Variants in OR56B1 observed in about 807,000 individuals in gnomAD.
OR56B1 encodes the protein olfactory receptor 56B1.
A neutral mutation model predicts 11.4 loss-of-function variants in OR56B1; 13 were observed. The ratio of observed to expected loss-of-function variants is 1.14; its 90% CI spans 0.74 to 1.81. The LOEUF is 1.81. Ranked by LOEUF, OR56B1 falls within the 40% of genes most tolerant of loss-of-function variation. The pLI is 0.00. For missense variants in OR56B1, 434 were observed against 379.3 expected (o/e 1.14, Z -1.20); for synonymous variants, 158 against 143.6 (o/e 1.10, Z -0.72).
At position 5,737,216 on chromosome 11, in the gene OR56B1, G is replaced by C; in HGVS notation, c.700G>C (p.Val234Leu). 1.2e-6 allele frequency: 2 copies of C among 1,614,064 alleles called. No homozygotes were observed. Among genetic ancestry groups the C allele is most frequent in the Non-Finnish European group, 1.7e-6 (2 of 1,179,970 alleles). Residue 234 changes from valine (V) to leucine (L), a missense_variant, in exon 1 of 1, where the codon GTA becomes CTA. Transcript: ENST00000317121. The part of the protein sequence containing the change: ...ILSYILILYS[V>L]LRLNSAEAAA... ...GTCATATATTTTGATTCTGTACTCT[G>C]TACTTAGACTGAACTCAGCTGAAGC...
rs1234896603 is a variant in OR56B1, at chr11:5,736,608, G to A, written c.92G>A (p.Ser31Asn). The A allele has an allele frequency of 6.2e-7, 1 of 1,614,004 alleles. No individual in the cohort carries two copies. The highest frequency in any genetic ancestry group is 1.7e-5 in the Admixed American group (1 of 59,964). Residue 31 changes from serine to asparagine, a missense_variant, in exon 1 of 1, where the codon AGC (serine) becomes AAC (asparagine). Transcript: ENST00000317121. ...FILLGFPGIH[S>N]WQHWLSLPLA... ...CTGCTGGGATTCCCGGGCATTCACA[G>A]CTGGCAACACTGGCTATCTCTGCCC... is the stretch of plus-strand genomic sequence containing the variant.
chr11:5,736,786 C>A lies in OR56B1; in HGVS notation c.270C>A (p.Ile90=). ...TGGCCACTACTATCATCCCTAAGATCCTGGCCATCTTCTGGTTTGATGCCA... is the reference window on the plus strand; with the variant it reads ...TGGCCACTACTATCATCCCTAAGATACTGGCCATCTTCTGGTTTGATGCCA... ...MGLATTIIPK[I]LAIFWFDAKV... The change falls in exon 1 of 1, where the codon ATC becomes ATA. Residue 90 remains isoleucine (I), a synonymous_variant. Coordinates refer to ENST00000317121, the MANE Select transcript of OR56B1 (RefSeq NM_001005180.3). 2 of 1,614,064 alleles carry A rather than the reference C, an allele frequency of 1.2e-6. No individual in the cohort carries two copies. The highest frequency in any genetic ancestry group is 1.7e-6 in the Non-Finnish European group (2 of 1,179,994).
chr11:5,737,550 C>T lies in OR56B1; in HGVS notation c.*59C>T, dbSNP rs1853943940. On this transcript the variant is annotated 3_prime_UTR_variant, in exon 1 of 1. Coordinates refer to ENST00000317121, the MANE Select transcript of OR56B1 (RefSeq NM_001005180.3). Reference sequence around the variant, plus strand: ...TCTCCTAAACTGGATAGTAAAATTTCAAAGAGGATAAATGAGTAAGTGAAT... The same window carrying T: ...TCTCCTAAACTGGATAGTAAAATTTTAAAGAGGATAAATGAGTAAGTGAAT... 2 of 1,485,614 alleles carry T rather than the reference C, an allele frequency of 1.3e-6. No homozygotes were observed. Among genetic ancestry groups the T allele is most frequent in the Non-Finnish European group, 1.8e-6 (2 of 1,105,292 alleles). 92.0% of individuals were successfully genotyped at this position (1,485,614 alleles called of 1,614,324 possible).
In OR56B1 at chr11:5,736,516, C is replaced by A. The variant is rs147042944; in HGVS notation, c.-1C>A. On this transcript the variant is annotated 5_prime_UTR_variant, in exon 1 of 1. Transcript: ENST00000317121. ...TAGAGATTTGAAATTCATGTTGAAT[C>A]ATGAATCATATGTCTGCATCTCTCA... 214 of 1,612,784 alleles carry A rather than the reference C, an allele frequency of 1.3e-4. 1 individual carries two copies. In the African/African-American group the frequency reaches 2.3e-3, roughly 18 times the overall value.
rs1853946302 is a variant in OR56B1 at position 5,737,666 on chromosome 11, C to T, written c.*175C>T. 1.1e-5 allele frequency: 6 copies of T among 532,586 alleles called. No homozygotes were observed. The highest frequency in any genetic ancestry group is 1.9e-5 in the Non-Finnish European group (6 of 321,066). The allele number at this position is 532,586 out of a possible 1,614,324, so 33.0% of individuals were successfully genotyped here. A position where few individuals can be genotyped will look rare whatever the true frequency, so the allele number is the denominator to read the frequency against. On this transcript the variant is annotated 3_prime_UTR_variant, in exon 1 of 1. Coordinates refer to ENST00000317121, the MANE Select transcript of OR56B1 (RefSeq NM_001005180.3). ...AAATCACAGTAGCCTAAAATATTGA[C>T]AAAAGCTAAATATTTAAATATATTT...
Position 5,737,218 on chromosome 11 carries a change from A to G in OR56B1, c.702A>G (p.Val234=), listed in dbSNP as rs1590335123. 1.2e-6 allele frequency: 2 copies of G among 1,614,114 alleles called. No homozygotes were observed. Among genetic ancestry groups the G allele is most frequent in the East Asian group, 4.5e-5 (2 of 44,868 alleles). The change falls in exon 1 of 1, where the codon GTA becomes GTG. Residue 234 remains valine, a synonymous_variant. Transcript: ENST00000317121. ...ILSYILILYS[V]LRLNSAEAAA... ...CATATATTTTGATTCTGTACTCTGT[A>G]CTTAGACTGAACTCAGCTGAAGCTG... is the stretch of plus-strand genomic sequence containing the variant.
At position 5,738,267 on chromosome 11, in the gene OR56B1, TCTA is replaced by T. The variant is rs1853959238; in HGVS notation, c.*779_*781del. On this transcript the variant is annotated 3_prime_UTR_variant, in exon 1 of 1. Transcript: ENST00000317121. ...AGACAGCATTTGGGCTATTTATTAT[TCTA>T]CTCCCAGCCTGCTTTGACATGAGGG... 6.6e-6 allele frequency: 1 copy of T among 152,256 alleles called. No homozygotes were observed. The highest frequency in any genetic ancestry group is 1.5e-5 in the Non-Finnish European group (1 of 68,086). 9.4% of individuals were successfully genotyped at this position (152,256 alleles called of 1,614,324 possible). A position where few individuals can be genotyped will look rare whatever the true frequency, so the allele number is the denominator to read the frequency against.
rs1853944320 is a variant in OR56B1, at chr11:5,737,564, G to A, written c.*73G>A. ...TAGTAAAATTTCAAAGAGGATAAAT[G>A]AGTAAGTGAATACCTTTGGGATTCC... On this transcript the variant is annotated 3_prime_UTR_variant, in exon 1 of 1. Transcript: ENST00000317121. 1 of 1,371,024 alleles carries A rather than the reference G, an allele frequency of 7.3e-7. No individual in the cohort carries two copies. Among genetic ancestry groups the A allele is most frequent in the African/African-American group, 1.4e-5 (1 of 69,028 alleles). The allele number at this position is 1,371,024 out of a possible 1,614,324, so 84.9% of individuals were successfully genotyped here.
At position 5,737,061 on chromosome 11, in the gene OR56B1, A is replaced by G. The variant is rs766459131; in HGVS notation, c.545A>G (p.Glu182Gly). Residue 182 changes from glutamate (E) to glycine (G), a missense_variant, in exon 1 of 1, where the codon GAA (glutamate) becomes GGA (glycine). Glu to Gly is a moderately conservative substitution (Grantham distance 98). Coordinates refer to ENST00000317121, the MANE Select transcript of OR56B1 (RefSeq NM_001005180.3). ...AAQRDYCSKN[E>G]IEHCLCSNLG... ...CAGCGTGATTATTGCTCCAAGAATGAAATTGAACACTGCCTGTGCTCTAAC... is the reference window on the plus strand; with the variant it reads ...CAGCGTGATTATTGCTCCAAGAATGGAATTGAACACTGCCTGTGCTCTAAC... The G allele has an allele frequency of 3.1e-6, 5 of 1,614,110 alleles. No homozygotes were observed. The highest frequency in any genetic ancestry group is 1.7e-4 in the Middle Eastern group (1 of 6,060).
rs1208830557 is a variant in OR56B1, at chr11:5,737,571, T to C, written c.*80T>C. The C allele has an allele frequency of 3.9e-6, 5 of 1,280,000 alleles. No homozygotes were observed. In the East Asian group the frequency reaches 1.2e-4, roughly 30 times the overall value. 79.3% of individuals were successfully genotyped at this position (1,280,000 alleles called of 1,614,324 possible). A position where few individuals can be genotyped will look rare whatever the true frequency, so the allele number is the denominator to read the frequency against. ...ATTTCAAAGAGGATAAATGAGTAAG[T>C]GAATACCTTTGGGATTCCCTTTTTA... On this transcript the variant is annotated 3_prime_UTR_variant, in exon 1 of 1. Transcript: ENST00000317121.
Position 5,736,500 on chromosome 11 carries a change from GAA to G in OR56B1, c.-15_-14del. ...CTGAGAACAATACAAATAGAGATTT[GAA>G]ATTCATGTTGAATCATGAATCATAT... On this transcript the variant is annotated 5_prime_UTR_variant, in exon 1 of 1. Coordinates refer to ENST00000317121, the MANE Select transcript of OR56B1 (RefSeq NM_001005180.3). 1 of 1,609,852 alleles carries G rather than the reference GAA, an allele frequency of 6.2e-7. No homozygotes were observed.
chr11:5,736,968 T>G lies in OR56B1; in HGVS notation c.452T>G (p.Leu151Ter). 1 of 1,614,134 alleles carries G rather than the reference T, an allele frequency of 6.2e-7. No individual in the cohort carries two copies. The highest frequency in any genetic ancestry group is 8.5e-7 in the Non-Finnish European group (1 of 1,179,994). Residue 151 changes from leucine (L) to a stop codon, truncating the protein, a stop_gained, in exon 1 of 1, where the codon TTA (leucine) becomes TGA (stop). Coordinates refer to ENST00000317121, the MANE Select transcript of OR56B1 (RefSeq NM_001005180.3). LOFTEE classifies it high-confidence loss of function. ...YPSIVTSSLI[L>*]KATLFMVLRN... Reference sequence around the variant, plus strand: ...TCAATTGTCACCAGTTCCTTAATCTTAAAAGCTACCCTGTTCATGGTGCTG... The same window carrying G: ...TCAATTGTCACCAGTTCCTTAATCTGAAAAGCTACCCTGTTCATGGTGCTG...
chr11:5,736,867 G>T lies in OR56B1; in HGVS notation c.351G>T (p.Val117=), dbSNP rs760456044. Residue 117 remains valine, a synonymous_variant, in exon 1 of 1, where the codon GTG becomes GTT. Coordinates refer to ENST00000317121, the MANE Select transcript of OR56B1 (RefSeq NM_001005180.3). ...FAQIYAIHFF[V]GMESGILLCM... ...AGATTTATGCCATTCACTTCTTTGT[G>T]GGCATGGAGTCTGGTATCCTACTCT... 2.5e-6 allele frequency: 4 copies of T among 1,613,790 alleles called. No homozygotes were observed. The highest frequency in any genetic ancestry group is 1.7e-5 in the Admixed American group (1 of 59,930).
Position 5,737,542 on chromosome 11 carries a change from T to C in OR56B1, c.*51T>C. ...CCTCAGCTTCTCCTAAACTGGATAG[T>C]AAAATTTCAAAGAGGATAAATGAGT... On this transcript the variant is annotated 3_prime_UTR_variant, in exon 1 of 1. Transcript: ENST00000317121. 6.6e-7 allele frequency: 1 copy of C among 1,517,302 alleles called. No homozygotes were observed. The allele number at this position is 1,517,302 out of a possible 1,614,324, so 94.0% of individuals were successfully genotyped here. A position where few individuals can be genotyped will look rare whatever the true frequency, so the allele number is the denominator to read the frequency against.
In OR56B1 at chr11:5,737,091, G is replaced by T. The variant is rs1487283445; in HGVS notation, c.575G>T (p.Gly192Val). 6.2e-7 allele frequency: 1 copy of T among 1,613,914 alleles called. No individual in the cohort carries two copies. The highest frequency in any genetic ancestry group is 1.3e-5 in the African/African-American group (1 of 74,914). The change falls in exon 1 of 1, where the codon GGG becomes GTG. Residue 192 changes from glycine to valine, a missense_variant. Gly to Val is a moderately radical substitution (Grantham distance 109, BLOSUM62 -3). Coordinates refer to ENST00000317121, the MANE Select transcript of OR56B1 (RefSeq NM_001005180.3). ...EIEHCLCSNL[G>V]VTSLACDDRR... ...GAACACTGCCTGTGCTCTAACCTTGGGGTCACAAGCCTGGCTTGTGATGAC... is the reference window on the plus strand; with the variant it reads ...GAACACTGCCTGTGCTCTAACCTTGTGGTCACAAGCCTGGCTTGTGATGAC...
Position 5,737,374 on chromosome 11 carries a change from G to A in OR56B1, c.858G>A (p.Val286=), listed in dbSNP as rs140442383. The change falls in exon 1 of 1, where the codon GTG becomes GTA. Residue 286 remains valine, a synonymous_variant. Coordinates refer to ENST00000317121, the MANE Select transcript of OR56B1 (RefSeq NM_001005180.3). ...CTTTGATTCCAGTTCTACTTAATGT[G>A]TTGCACAACATCATCCCCCCTTCCC... The part of the protein sequence containing the change: ...KATLIPVLLN[V]LHNIIPPSLN... 23 of 1,613,930 alleles carry A rather than the reference G, an allele frequency of 1.4e-5. No homozygotes were observed. In the African/African-American group the frequency reaches 2.4e-4, roughly 17 times the overall value.
Position 5,737,977 on chromosome 11 carries a change from A to ATGGGCTGCT in OR56B1, c.*486_*487insTGGGCTGCT. 6.4e-6 allele frequency: 1 copy of ATGGGCTGCT among 156,454 alleles called. No individual in the cohort carries two copies. 9.7% of individuals were successfully genotyped at this position (156,454 alleles called of 1,614,324 possible). On this transcript the variant is annotated 3_prime_UTR_variant, in exon 1 of 1. Coordinates refer to ENST00000317121, the MANE Select transcript of OR56B1 (RefSeq NM_001005180.3). The stretch of plus-strand genomic sequence containing the variant: ...CAGAGGTCGGAAAAGAAAATAATTC[A>ATGGGCTGCT]GATAAAGCCAAATCAGTCAATGATG...
chr11:5,736,552 T>A lies in OR56B1; in HGVS notation c.36T>A (p.Asn12Lys). The change falls in exon 1 of 1, where the codon AAT (asparagine) becomes AAA (lysine). Residue 12 changes from asparagine (N) to lysine (K), a missense_variant. Transcript: ENST00000317121. ...TGTCTGCATCTCTCAAAATCTCCAA[T>A]AGCTCCAAATTCCAGGTCTCTGAGT... is the stretch of plus-strand genomic sequence containing the variant. ...NHMSASLKIS[N>K]SSKFQVSEFI... is the part of the protein sequence containing the mutation. 1 of 1,613,804 alleles carries A rather than the reference T, an allele frequency of 6.2e-7. No homozygotes were observed. Among genetic ancestry groups the A allele is most frequent in the Non-Finnish European group, 8.5e-7 (1 of 1,179,752 alleles).
rs773308699 is a variant in OR56B1, at chr11:5,737,439, G to A, written c.923G>A (p.Arg308Lys). ...TATGCACTTCAGACCAAAGAACTTA[G>A]GGCAGCCTTCCAAAAGGTGCTGTTT... ...TVYALQTKEL[R>K]AAFQKVLFAL... Residue 308 changes from arginine (R) to lysine (K), a missense_variant, in exon 1 of 1, where the codon AGG (arginine) becomes AAG (lysine). By Grantham distance (26) the Arg-to-Lys change is conservative. Coordinates refer to ENST00000317121, the MANE Select transcript of OR56B1 (RefSeq NM_001005180.3). The A allele has an allele frequency of 4.3e-6, 7 of 1,613,746 alleles. No homozygotes were observed. In the Admixed American group the frequency reaches 1.2e-4, roughly 27 times the overall value.
Sources: allele counts gnomAD v4.1 joint callset, GRCh38; gene constraint gnomAD v4.1.1; transcripts MANE v1.5; gene names NCBI Gene and HGNC (gene_info 2026-07-23, HGNC 2026-07-21).